Variants in GRK1 observed in about 807,000 individuals in gnomAD.
The protein encoded by GRK1 is rhodopsin kinase GRK1.
In GRK1, 28 loss-of-function variants were observed where a neutral mutation model predicts 41.7. The observed-to-expected ratio is 0.67, with a 90% CI of 0.50 to 0.92. The LOEUF is 0.92. GRK1 is among the 40% of genes least tolerant of loss of function. The pLI, the probability that GRK1 is intolerant of heterozygous loss-of-function variation, is 0.00. For synonymous variants in GRK1, 327 were observed against 286.7 expected (o/e 1.14, Z -1.42); for missense variants, 703 against 671.2 (o/e 1.05, Z -0.52).
chr13:113,672,095 G>C (rs959591687), intron 3 of GRK1, among the ~76,000 whole-genome samples: 1 of 152,036 alleles, frequency 6.6e-6, no homozygotes, highest in Non-Finnish European at 1.5e-5. Context: ...TGGCACGGCC[G>C]GCCCTCTTCC....
the GRK1 span, among the ~76,000 whole-genome samples, chr13:113,651,313 G>A: frequency 1.3e-5 from 2 of 152,232 alleles, no homozygotes; most frequent in Non-Finnish European, 2.9e-5. Flanking sequence ...TTAAACAACT[G>A]TAGCTGCTGG....
In GRK1 at chr13:113,731,471, G is replaced by A; in HGVS notation, c.1194+128G>A. 1.5e-6 allele frequency: 2 copies of A among 1,344,400 alleles called. No homozygotes were observed. The highest frequency in any genetic ancestry group is 1.4e-5 in the South Asian group (1 of 70,002). The allele number at this position is 1,344,400 out of a possible 1,614,324, so 83.3% of individuals were successfully genotyped here. A position where few individuals can be genotyped will look rare whatever the true frequency, so the allele number is the denominator to read the frequency against. ...GTTCTGTGGGCCCTGGGGTGGGGAG[G>A]GCACAGATTCACGTGCTGGGGTCTT... On this transcript the variant is annotated intron_variant, in intron 5 of 6. Transcript: ENST00000335678. This position sits in a 1 kb window ranked among gnomAD's most constrained non-coding sequence, Gnocchi z 5.6.
chr13:113,667,801 G>T lies in GRK1; in HGVS notation c.415G>T (p.Val139Leu). Residue 139 changes from valine to leucine, a missense_variant, in exon 1 of 7, where the codon GTG becomes TTG. Transcript: ENST00000335678. This position sits in a 1 kb window ranked among gnomAD's most constrained non-coding sequence, Gnocchi z 7.5. ...AGTGGCGAAGTTTAAGGAGGGGCCT[G>T]TGGAGATCCAGGACGGGCTCTTCCA... ...GIVAKFKEGPVEIQDGLFQPL... is the reference protein window; with the variant it reads ...GIVAKFKEGPLEIQDGLFQPL... The T allele has an allele frequency of 6.2e-7, 1 of 1,607,538 alleles. No homozygotes were observed. The highest frequency in any genetic ancestry group is 8.5e-7 in the Non-Finnish European group (1 of 1,175,698).
At chr13:113,658,468 G>A in the GRK1 span, among the ~76,000 whole-genome samples, 2 of 152,342 alleles carry the variant, frequency 1.3e-5, no homozygotes, top group Admixed American at 6.5e-5. Context: ...AGCACTCACA[G>A]GCCCTTCCCC....
At chr13:113,658,107 C>T in the GRK1 span, 33 of 1,612,674 alleles carry the variant, frequency 2.0e-5, no homozygotes, top group Middle Eastern at 1.6e-4. Flanking sequence ...CTCCTCCATG[C>T]GCTGGCCACA....
chr13:113,727,886 TGAG>T (rs1270036027), intron 4 of GRK1, among the ~76,000 whole-genome samples: 4 of 74,998 alleles, frequency 5.3e-5, no homozygotes, highest in African/African-American at 1.7e-4. Flanking sequence ...CCCATTGCGA[TGAG>T]GAGTACCCAT....
At chr13:113,651,801 G>A in the GRK1 span, 1 of 1,557,054 alleles carries the variant, frequency 6.4e-7, no homozygotes, top group Non-Finnish European at 8.7e-7. Flanking sequence ...CCCACCCATG[G>A]AGCTGAGATC....
the GRK1 span, among the ~76,000 whole-genome samples, chr13:113,648,431 G>C: frequency 6.6e-6 from 1 of 152,322 alleles, no homozygotes; most frequent in African/African-American, 2.4e-5. Flanking sequence ...CAGGACCCAG[G>C]CTGCACACCG....
At chr13:113,651,201 T>C in the GRK1 span, among the ~76,000 whole-genome samples, 1 of 152,180 alleles carries the variant, frequency 6.6e-6, no homozygotes, top group African/African-American at 2.4e-5. Flanking sequence ...ATTTAAAAAA[T>C]TCAGTTTTAA....
rs868595235 is a variant in GRK1, at chr13:113,735,200, C to T, written c.1529C>T (p.Ala510Val). ...KTDTEFFQEF[A>V]TGNCPIPWQE... ...GACACAGAATTCTTTCAGGAATTTG[C>T]CACTGGCAACTGCCCCATCCCCTGG... Residue 510 changes from alanine (A) to valine (V), a missense_variant, in exon 7 of 7, where the codon GCC (alanine) becomes GTC (valine). Ala to Val is a moderately conservative substitution (Grantham distance 64). Coordinates refer to ENST00000335678, the MANE Select transcript of GRK1 (RefSeq NM_002929.3). 6.5e-7 allele frequency: 1 copy of T among 1,537,196 alleles called. No homozygotes were observed. The highest frequency in any genetic ancestry group is 8.7e-7 in the Non-Finnish European group (1 of 1,146,902).
the GRK1 span, among the ~76,000 whole-genome samples, chr13:113,648,334 G>T: frequency 6.6e-6 from 1 of 152,366 alleles, no homozygotes; most frequent in South Asian, 2.1e-4. Flanking sequence ...CTGTGTGTCT[G>T]TTGGGGGCTG....
rs2049843815 is a variant in GRK1 at position 113,669,719 on chromosome 13, A to G, written c.732A>G (p.Lys244=). ...TGGTGGAGAAGAAGATTCTGATGAA[A>G]GTACACAGCAGGTTCATCGTGTCTC... ...GAMVEKKILM[K]VHSRFIVSLA... is the part of the protein sequence containing the mutation. Residue 244 remains lysine (K), a synonymous_variant, in exon 2 of 7, where the codon AAA becomes AAG. Coordinates refer to ENST00000335678, the MANE Select transcript of GRK1 (RefSeq NM_002929.3). The G allele has an allele frequency of 6.2e-7, 1 of 1,613,876 alleles. No individual in the cohort carries two copies. Among genetic ancestry groups the G allele is most frequent in the Non-Finnish European group, 8.5e-7 (1 of 1,179,886 alleles).
At chr13:113,733,959 C>CATGTGTAT (rs1566700463) in intron 6 of GRK1, among the ~76,000 whole-genome samples, 99 of 104,572 alleles carry the variant, frequency 9.5e-4, no homozygotes, top group African/African-American at 3.5e-3. Context: ...TGTGTGCATA[C>CATGTGTAT]GTGTGTGTGC....
At chr13:113,667,171 G>T (rs1052485375), upstream of GRK1, 2 of 534,910 alleles carry the variant, frequency 3.7e-6, no homozygotes, top group Non-Finnish European at 6.6e-6. The surrounding 1 kb of genome is among the most constrained non-coding windows in gnomAD (Gnocchi z 7.5). Flanking sequence ...GACCCCGGCT[G>T]GGATTTAGCC....
In GRK1 at chr13:113,671,242, T is replaced by C. The variant is rs1010676587; in HGVS notation, c.828-257T>C. Among the ~76,000 whole-genome samples, 13 of 152,152 alleles carry C rather than the reference T, an allele frequency of 8.5e-5. No homozygotes were observed. Among genetic ancestry groups the C allele is most frequent in the African/African-American group, 2.9e-4 (12 of 41,422 alleles). ...GTTTCCTAGCACCTGCGGCCCGCGCTGGAAAGCAGGCGGACAGGAGACGCA... is the reference window on the plus strand; with the variant it reads ...GTTTCCTAGCACCTGCGGCCCGCGCCGGAAAGCAGGCGGACAGGAGACGCA... On this transcript the variant is annotated intron_variant, in intron 2 of 6. Transcript: ENST00000335678. The surrounding 1 kb of genome is among the most constrained non-coding windows in gnomAD (Gnocchi z 4.1).
At chr13:113,727,199 T>C (rs2049894603) in intron 4 of GRK1, among the ~76,000 whole-genome samples, 1 of 152,228 alleles carries the variant, frequency 6.6e-6, no homozygotes, top group Non-Finnish European at 1.5e-5. Flanking sequence ...GGAGTCTGAC[T>C]CACCAGAGCA....
the GRK1 span, among the ~76,000 whole-genome samples, chr13:113,660,177 G>A: frequency 1.9e-4 from 29 of 152,118 alleles, no homozygotes; most frequent in African/African-American, 6.8e-4. Context: ...CAGACAATGA[G>A]GGGGGCCCAG....
chr13:113,735,328 T>A lies in GRK1; in HGVS notation c.1657T>A (p.Ser553Thr), dbSNP rs1429427293. 6 of 1,524,632 alleles carry A rather than the reference T, an allele frequency of 3.9e-6. No homozygotes were observed. Among genetic ancestry groups the A allele is most frequent in the Admixed American group, 2.0e-5 (1 of 50,276 alleles). The allele number at this position is 1,524,632 out of a possible 1,614,324, so 94.4% of individuals were successfully genotyped here. Residue 553 changes from serine to threonine, a missense_variant, in exon 7 of 7, where the codon TCC (serine) becomes ACC (threonine). By Grantham distance (58) the Ser-to-Thr change is moderately conservative. Transcript: ENST00000335678. ...DMKGISGGSS[S>T]SSKSGMCLVS ...GAAGGGCATCTCCGGGGGCTCCAGC[T>A]CCTCGTCCAAGTCAGGGATGTGTCT...
upstream of GRK1, among the ~76,000 whole-genome samples, chr13:113,663,924 A>G (rs11839787): frequency 0.49 from 73,883 of 152,060 alleles, 18,985 homozygotes; most frequent in Middle Eastern, 0.64. Context: ...CGACACTTTT[A>G]GGCATTTACC....
Sources: allele counts gnomAD v4.1 joint callset (sites outside exome capture counted in the v4.1 genomes callset), GRCh38; gene constraint gnomAD v4.1.1; non-coding constraint Gnocchi (gnomAD v3.1); transcripts MANE v1.5; gene names NCBI Gene and HGNC (gene_info 2026-07-23, HGNC 2026-07-21).